The following MBD5 variants were observed in gnomAD, a reference collection of about 807,000 sequenced individuals.
MBD5 encodes the protein methyl-CpG-binding domain protein 5.
A neutral mutation model predicts 117.3 loss-of-function variants in MBD5; 13 were observed. The ratio of observed to expected loss-of-function variants is 0.11; its 90% CI spans 0.07 to 0.18. MBD5 has a LOEUF of 0.18. Ranked by LOEUF, MBD5 falls within the 10% of genes least tolerant of loss-of-function variation. MBD5 has a pLI of 1.00. For missense variants in MBD5, 1,879 were observed against 2,093.8 expected (o/e 0.90, Z 2.00); for synonymous variants, 727 against 766.4 (o/e 0.95, Z 0.85).
At chr2:148,219,232 A>C (rs894750598) in intron 2 of MBD5, among the ~76,000 whole-genome samples, 18 of 152,212 alleles carry the variant, frequency 1.2e-4, no homozygotes, top group Non-Finnish European at 2.1e-4. Context: ...CAGGATCATC[A>C]GTATCGCTTT....
intron 3 of MBD5, among the ~76,000 whole-genome samples, chr2:148,288,415 G>C (rs1471731278): frequency 7.8e-6 from 1 of 128,800 alleles, no homozygotes; most frequent in African/African-American, 2.8e-5. Flanking sequence ...AAAAAAAAAA[G>C]TGATTTCTTC....
At chr2:148,442,523 A>G (rs2105409353) in intron 4 of MBD5, among the ~76,000 whole-genome samples, 1 of 151,540 alleles carries the variant, frequency 6.6e-6, no homozygotes, top group South Asian at 2.1e-4. Context: ...GATAGTAATA[A>G]ATACTAAGGA....
chr2:148,345,476 T>TAC (rs368907568), intron 4 of MBD5, among the ~76,000 whole-genome samples: 5 of 42,200 alleles, frequency 1.2e-4, no homozygotes, highest in East Asian at 6.2e-4. Flanking sequence ...TATATACACA[T>TAC]ACATATACAT....
chr2:148,059,801 G>C (rs1225746067), intron 1 of MBD5, among the ~76,000 whole-genome samples: 1 of 151,146 alleles, frequency 6.6e-6, no homozygotes, highest in Non-Finnish European at 1.5e-5. Context: ...AGCCAAGATC[G>C]CGCCACTGCA....
chr2:148,238,943 G>A (rs893822937), intron 3 of MBD5, among the ~76,000 whole-genome samples: 3 of 151,698 alleles, frequency 2.0e-5, no homozygotes, highest in African/African-American at 4.8e-5. Flanking sequence ...AGGTACTAGA[G>A]GTTAGGACTT....
At chr2:148,271,867 T>TTA (rs1182866555) in intron 3 of MBD5, among the ~76,000 whole-genome samples, 5 of 152,198 alleles carry the variant, frequency 3.3e-5, no homozygotes, top group African/African-American at 1.2e-4. Flanking sequence ...AGTTGCCATA[T>TTA]TATACAATAG....
intron 2 of MBD5, among the ~76,000 whole-genome samples, chr2:148,221,884 A>G (rs1312369636): frequency 6.6e-6 from 1 of 152,072 alleles, no homozygotes; most frequent in African/African-American, 2.4e-5. Flanking sequence ...TAGTTTCATA[A>G]TCTGAGGGTC....
intron 3 of MBD5, among the ~76,000 whole-genome samples, chr2:148,300,599 A>G (rs1475980224): frequency 6.6e-6 from 1 of 151,980 alleles, no homozygotes; most frequent in Non-Finnish European, 1.5e-5. Flanking sequence ...TTATTCTTGG[A>G]TAATTAGTAT....
chr2:148,223,832 TTTC>T (rs1360132099), intron 2 of MBD5, among the ~76,000 whole-genome samples: 2 of 152,166 alleles, frequency 1.3e-5, no homozygotes, highest in African/African-American at 4.8e-5. Context: ...ATTTGAAGTT[TTTC>T]TTCTTTTTTC....
chr2:148,315,184 C>A (rs938206551), intron 3 of MBD5, among the ~76,000 whole-genome samples: 1 of 152,126 alleles, frequency 6.6e-6, no homozygotes, highest in Admixed American at 6.5e-5. Context: ...GACCAACCTG[C>A]ATCCTGCTGC....
At chr2:148,299,220 C>G (rs1701725603) in intron 3 of MBD5, among the ~76,000 whole-genome samples, 1 of 152,078 alleles carries the variant, frequency 6.6e-6, no homozygotes, top group South Asian at 2.1e-4. Context: ...CTCTGCCTCC[C>G]AGGTTCAAGC....
chr2:148,090,138 A>G (rs561871286), intron 1 of MBD5, among the ~76,000 whole-genome samples: 7 of 152,238 alleles, frequency 4.6e-5, no homozygotes, highest in African/African-American at 1.4e-4. Context: ...TAAATCAGGA[A>G]GAAGTAGAAA....
chr2:148,167,816 A>AT (rs1698165349), intron 1 of MBD5, among the ~76,000 whole-genome samples: 1 of 151,884 alleles, frequency 6.6e-6, no homozygotes, highest in Non-Finnish European at 1.5e-5. Flanking sequence ...ATCTTTTGCT[A>AT]TTTTTTATTT....
At chr2:148,254,783 C>T (rs565389234) in intron 3 of MBD5, among the ~76,000 whole-genome samples, 1 of 152,306 alleles carries the variant, frequency 6.6e-6, no homozygotes, top group South Asian at 2.1e-4. Context: ...CCATCCCACA[C>T]AGTGGTGTTA....
chr2:148,490,470 C>T lies in MBD5; in HGVS notation c.4838C>T (p.Pro1613Leu). 2 of 1,614,078 alleles carry T rather than the reference C, an allele frequency of 1.2e-6. No individual in the cohort carries two copies. The highest frequency in any genetic ancestry group is 1.7e-6 in the Non-Finnish European group (2 of 1,180,016). The change falls in exon 11 of 14, where the codon CCA (proline) becomes CTA (leucine). Residue 1613 changes from proline to leucine, a missense_variant. Transcript: ENST00000642680. ...PSSNELIHYRPRTFNVGDLVW... is the reference protein window; with the variant it reads ...PSSNELIHYRLRTFNVGDLVW... The stretch of plus-strand genomic sequence containing the variant: ...TCAAATGAATTGATACATTATAGAC[C>T]AAGGACGTTCAATGTTGGCGACTTG...
At chr2:148,152,546 G>A (rs1405660607) in intron 1 of MBD5, among the ~76,000 whole-genome samples, 7 of 151,856 alleles carry the variant, frequency 4.6e-5, no homozygotes, top group Admixed American at 1.3e-4. Context: ...GGGTGTTAAA[G>A]TCTCCCATTA....
chr2:148,032,278 A>G (rs1238976285), intron 1 of MBD5, among the ~76,000 whole-genome samples: 1 of 152,196 alleles, frequency 6.6e-6, no homozygotes, highest in Non-Finnish European at 1.5e-5. Flanking sequence ...AAAGATAGAA[A>G]AGGATATTAA....
intron 1 of MBD5, among the ~76,000 whole-genome samples, chr2:148,144,880 A>G (rs896323758): frequency 1.2e-4 from 19 of 152,148 alleles, no homozygotes; most frequent in Admixed American, 5.9e-4. Flanking sequence ...GCCAGGTAGC[A>G]TGATGCCTCC....
chr2:148,285,535 A>G (rs886704307), intron 3 of MBD5, among the ~76,000 whole-genome samples: 1 of 152,220 alleles, frequency 6.6e-6, no homozygotes, highest in Admixed American at 6.5e-5. Context: ...GCAAAATACT[A>G]GATTTACAAA....
Sources: allele counts gnomAD v4.1 joint callset (sites outside exome capture counted in the v4.1 genomes callset), GRCh38; gene constraint gnomAD v4.1.1; transcripts MANE v1.5; gene names NCBI Gene and HGNC (gene_info 2026-07-23, HGNC 2026-07-21).